MCTP2: variants seen among roughly 807,000 people sequenced by gnomAD.
The protein encoded by MCTP2 is multiple C2 and transmembrane domain containing 2, also known as multiple C2 and transmembrane domain-containing protein 2.
MCTP2 carries 132 observed loss-of-function variants against 111.6 expected under a neutral mutation model. That is an observed-to-expected ratio of 1.18 (90% CI 1.03 to 1.37). The LOEUF (loss-of-function observed/expected upper bound fraction) is 1.37, where lower values mean the gene tolerates loss of function less well. Among genes scored for constraint, MCTP2 ranks in the 40% most tolerant of loss-of-function variants. The pLI is 0.00. For missense variants in MCTP2, 1,183 were observed against 1,067.9 expected (o/e 1.11, Z -1.50); for synonymous variants, 395 against 387.7 (o/e 1.02, Z -0.22).
chr15:94,417,488 ATTGT>A lies in MCTP2; in HGVS notation c.2085+15473_2085+15476del, dbSNP rs554767642. Among the ~76,000 whole-genome samples the A allele has an allele frequency of 1.5e-3, 230 of 152,174 alleles. 1 individual carries two copies. Among genetic ancestry groups the A allele is most frequent in the African/African-American group, 4.8e-3 (198 of 41,532 alleles). ...GAACTTTTATTTTGGTGCACAAAAG[ATTGT>A]TTGAGTGAGTACACGTACGTGTGTG... On this transcript the variant is annotated intron_variant, in intron 17 of 22. Coordinates refer to ENST00000357742, the MANE Select transcript of MCTP2 (RefSeq NM_001385001.1).
chr15:94,315,269 A>G (rs543589486), intron 3 of MCTP2, among the ~76,000 whole-genome samples: 4 of 152,262 alleles, frequency 2.6e-5, no homozygotes, highest in African/African-American at 7.2e-5. Flanking sequence ...GAGGTTGGTT[A>G]TCTAATTCTT....
intron 21 of MCTP2, among the ~76,000 whole-genome samples, chr15:94,471,601 CT>C (rs1222760028): frequency 1.3e-5 from 2 of 151,950 alleles, no homozygotes; most frequent in Non-Finnish European, 2.9e-5. Flanking sequence ...ATTCAGGGAT[CT>C]ATTTTAATAC....
rs17730018 is a variant in MCTP2, at chr15:94,400,639, T to G, written c.1965+644T>G. ...TTTTTTCCGTGACCTTTACATTCCT[T>G]TTTCAGAGTCCCTCCCTGTTGTACT... On this transcript the variant is annotated intron_variant, in intron 16 of 22. Coordinates refer to ENST00000357742, the MANE Select transcript of MCTP2 (RefSeq NM_001385001.1). 6.3e-4 allele frequency among the ~76,000 whole-genome samples: 95 copies of G among 151,860 alleles called. No homozygotes were observed. In the East Asian group the frequency reaches 0.018, roughly 29 times the overall value.
intron 18 of MCTP2, among the ~76,000 whole-genome samples, chr15:94,440,760 C>T (rs961741502): frequency 6.6e-6 from 1 of 152,240 alleles, no homozygotes; most frequent in Admixed American, 6.5e-5. Context: ...GGCTTGTCAA[C>T]TCCCAGGGCA....
chr15:94,442,452 ACTTATT>A (rs1424356859), intron 18 of MCTP2, among the ~76,000 whole-genome samples: 7 of 152,206 alleles, frequency 4.6e-5, no homozygotes, highest in East Asian at 3.8e-4. Context: ...GAAACCTGTA[ACTTATT>A]CTTAAGATTG....
At chr15:94,280,239 T>C (rs2074410768) in intron 1 of MCTP2, among the ~76,000 whole-genome samples, 1 of 152,112 alleles carries the variant, frequency 6.6e-6, no homozygotes, top group East Asian at 1.9e-4. Context: ...TCCTTTTTCG[T>C]AGGTTTTTAA....
intron 20 of MCTP2, among the ~76,000 whole-genome samples, chr15:94,461,032 G>T (rs973059159): frequency 6.7e-6 from 1 of 149,814 alleles, no homozygotes; most frequent in Non-Finnish European, 1.5e-5. Flanking sequence ...GGTTGGGGGG[G>T]ACCCCAGTGG....
chr15:94,252,534 A>C (rs1022111953), intron 1 of MCTP2, among the ~76,000 whole-genome samples: 2 of 152,166 alleles, frequency 1.3e-5, no homozygotes, highest in African/African-American at 4.8e-5. Flanking sequence ...ACAACAGTTA[A>C]TTAGGCTGTG....
At chr15:94,321,102 G>A (rs2076611090) in intron 4 of MCTP2, among the ~76,000 whole-genome samples, 1 of 152,174 alleles carries the variant, frequency 6.6e-6, no homozygotes, top group South Asian at 2.1e-4. Flanking sequence ...TCACGTGTGA[G>A]CTAGAAAGTT....
chr15:94,245,512 A>C (rs62641044), intron 1 of MCTP2, among the ~76,000 whole-genome samples: 9 of 138,508 alleles, frequency 6.5e-5, no homozygotes, highest in Non-Finnish European at 1.1e-4. Context: ...ATATGTATAC[A>C]TATATGTATA....
chr15:94,299,472 C>T (rs2075493736), intron 2 of MCTP2, among the ~76,000 whole-genome samples: 1 of 152,150 alleles, frequency 6.6e-6, no homozygotes, highest in Non-Finnish European at 1.5e-5. Flanking sequence ...TGTGTGTGCA[C>T]TCGCCTGTGA....
At chr15:94,394,480 T>G (rs1448047111) in intron 14 of MCTP2, among the ~76,000 whole-genome samples, 1 of 152,174 alleles carries the variant, frequency 6.6e-6, no homozygotes, top group East Asian at 1.9e-4. Flanking sequence ...TACATTAACA[T>G]TGTGACTGGG....
chr15:94,242,656 T>C (rs908703764), intron 1 of MCTP2, among the ~76,000 whole-genome samples: 1 of 151,960 alleles, frequency 6.6e-6, no homozygotes, highest in African/African-American at 2.4e-5. Flanking sequence ...GGCTGTTATT[T>C]TTAGAGATGA....
At chr15:94,426,920 AC>A (rs1567683719) in intron 17 of MCTP2, among the ~76,000 whole-genome samples, 1 of 152,110 alleles carries the variant, frequency 6.6e-6, no homozygotes, top group African/African-American at 2.4e-5. Flanking sequence ...TGGATTCTCA[AC>A]AAAACCATGC....
At position 94,392,053 on chromosome 15, in the gene MCTP2, T is replaced by TA. The variant is rs1019965979; in HGVS notation, c.1788+6536dup. Among the ~76,000 whole-genome samples, 10 of 151,502 alleles carry TA rather than the reference T, an allele frequency of 6.6e-5. No homozygotes were observed. The South Asian group carries it at 8.4e-4, about 13-fold the overall frequency. On this transcript the variant is annotated intron_variant, in intron 14 of 22. Coordinates refer to ENST00000357742, the MANE Select transcript of MCTP2 (RefSeq NM_001385001.1). Reference sequence around the variant, plus strand: ...AGAAACTCGATACAGGTTTTAGGGGTAAAAAAAAGATTGAATTAACAATAA... The same window carrying TA: ...AGAAACTCGATACAGGTTTTAGGGGTAAAAAAAAAGATTGAATTAACAATAA...
chr15:94,320,416 C>A (rs1395204687), intron 4 of MCTP2, among the ~76,000 whole-genome samples: 1 of 152,150 alleles, frequency 6.6e-6, no homozygotes, highest in Non-Finnish European at 1.5e-5. Context: ...GCTGGGATTA[C>A]AGCTGTGAGC....
chr15:94,472,498 C>A (rs1025437447), intron 21 of MCTP2, among the ~76,000 whole-genome samples: 2 of 152,210 alleles, frequency 1.3e-5, no homozygotes, highest in South Asian at 2.1e-4. Context: ...CTGATCTTAT[C>A]CTCCAAGATC....
At chr15:94,276,424 T>C (rs141697539) in intron 1 of MCTP2, among the ~76,000 whole-genome samples, 1 of 152,210 alleles carries the variant, frequency 6.6e-6, no homozygotes, top group East Asian at 1.9e-4. Context: ...AATAACTATT[T>C]TCAAGAAAAC....
chr15:94,429,223 T>G (rs1015295933), intron 17 of MCTP2, among the ~76,000 whole-genome samples: 2 of 152,136 alleles, frequency 1.3e-5, no homozygotes, highest in Non-Finnish European at 2.9e-5. Flanking sequence ...CATTTTACAG[T>G]GGATTCCACC....
Sources: allele counts gnomAD v4.1 joint callset (sites outside exome capture counted in the v4.1 genomes callset), GRCh38; gene constraint gnomAD v4.1.1; transcripts MANE v1.5; gene names NCBI Gene and HGNC (gene_info 2026-07-23, HGNC 2026-07-21).